CLSTN2: variants seen among roughly 807,000 people sequenced by gnomAD.
CLSTN2 encodes calsyntenin 2, also known as calsyntenin-2.
In CLSTN2, 48 loss-of-function variants were observed where a neutral mutation model predicts 101.2. The ratio of observed to expected loss-of-function variants is 0.47; its 90% CI spans 0.38 to 0.60. CLSTN2 has a LOEUF of 0.60. Ranked by LOEUF, CLSTN2 falls within the 20% of genes least tolerant of loss-of-function variation. CLSTN2 has a pLI of 0.00. For missense variants in CLSTN2, 1,160 were observed against 1,238.2 expected (o/e 0.94, Z 0.95); for synonymous variants, 481 against 463.6 (o/e 1.04, Z -0.48).
intron 2 of CLSTN2, among the ~76,000 whole-genome samples, chr3:140,179,364 C>T (rs1458846761): frequency 6.7e-6 from 1 of 149,116 alleles, no homozygotes; most frequent in African/African-American, 2.5e-5. Context: ...TGCTTGTAGT[C>T]CCAGCACTTT....
At chr3:140,272,049 G>A (rs1390531777) in intron 2 of CLSTN2, among the ~76,000 whole-genome samples, 2 of 152,170 alleles carry the variant, frequency 1.3e-5, no homozygotes, top group East Asian at 1.9e-4. Flanking sequence ...AATGAATGCC[G>A]TTAACTTTCT....
intron 8 of CLSTN2, among the ~76,000 whole-genome samples, chr3:140,468,714 C>T (rs16850356): frequency 0.091 from 13,914 of 152,242 alleles, 1,037 homozygotes; most frequent in East Asian, 0.31. Flanking sequence ...TTCCATTATG[C>T]CCGGCTGCTG....
At chr3:140,513,583 C>CTTTTTTTTTTT (rs55778787) in intron 8 of CLSTN2, among the ~76,000 whole-genome samples, 6 of 117,768 alleles carry the variant, frequency 5.1e-5, no homozygotes, top group East Asian at 2.4e-4. Context: ...TTTTTTCTTT[C>CTTTTTTTTTTT]TTTTTTTTTT....
At chr3:139,937,806 G>A (rs562174814) in intron 1 of CLSTN2, among the ~76,000 whole-genome samples, 79 of 152,082 alleles carry the variant, frequency 5.2e-4, no homozygotes, top group African/African-American at 1.8e-3. Flanking sequence ...AAGTTTATTG[G>A]CCCTGCAGAT....
chr3:139,945,659 T>G (rs943691674), intron 1 of CLSTN2, among the ~76,000 whole-genome samples: 2 of 152,312 alleles, frequency 1.3e-5, no homozygotes, highest in African/African-American at 4.8e-5. Flanking sequence ...TCAAAACTGT[T>G]AATATTATGT....
chr3:140,171,868 A>C (rs1436588761), intron 1 of CLSTN2, among the ~76,000 whole-genome samples: 1 of 124,484 alleles, frequency 8.0e-6, no homozygotes, highest in African/African-American at 3.1e-5. Flanking sequence ...ATATAATAAC[A>C]ATATATAATA....
intron 5 of CLSTN2, among the ~76,000 whole-genome samples, chr3:140,438,749 G>A (rs1225127188): frequency 6.6e-6 from 1 of 152,144 alleles, no homozygotes; most frequent in Non-Finnish European, 1.5e-5. Flanking sequence ...AAAGTACCCT[G>A]GTTGGCTGAA....
chr3:140,150,067 G>A (rs2009839008), intron 1 of CLSTN2, among the ~76,000 whole-genome samples: 2 of 152,268 alleles, frequency 1.3e-5, no homozygotes, highest in South Asian at 2.1e-4. Context: ...TGAAGATAGA[G>A]GTGAATATAC....
chr3:140,242,037 A>C lies in CLSTN2; in HGVS notation c.232+65964A>C, dbSNP rs185619930. Among the ~76,000 whole-genome samples, 1,062 of 151,924 alleles carry C rather than the reference A, an allele frequency of 7.0e-3. 4 individuals are homozygous for C. Among genetic ancestry groups the C allele is most frequent in the Non-Finnish European group, 0.011 (724 of 67,964 alleles). On this transcript the variant is annotated intron_variant, in intron 2 of 16. Transcript: ENST00000458420. The stretch of plus-strand genomic sequence containing the variant: ...ATTCTCCTGCCTCAGCCTCCTGAGT[A>C]GCTGGGATTAGAGGCGCCCGCCACC...
At chr3:140,321,418 C>A (rs1473216863) in intron 2 of CLSTN2, among the ~76,000 whole-genome samples, 2 of 152,110 alleles carry the variant, frequency 1.3e-5, no homozygotes, top group Non-Finnish European at 2.9e-5. Context: ...CTTTGAAGCT[C>A]CCAGGAGTGG....
chr3:140,303,229 G>A (rs903798794), intron 2 of CLSTN2, among the ~76,000 whole-genome samples: 3 of 152,184 alleles, frequency 2.0e-5, no homozygotes, highest in Non-Finnish European at 2.9e-5. Flanking sequence ...CTTATTTTGT[G>A]CCAAGCATAT....
intron 2 of CLSTN2, among the ~76,000 whole-genome samples, chr3:140,230,105 G>T (rs1333453531): frequency 6.6e-6 from 1 of 152,022 alleles, no homozygotes; most frequent in Non-Finnish European, 1.5e-5. Flanking sequence ...TAGATGCACA[G>T]CCAGCGGATG....
At chr3:139,985,234 A>T (rs538675647) in intron 1 of CLSTN2, among the ~76,000 whole-genome samples, 15 of 152,254 alleles carry the variant, frequency 9.9e-5, no homozygotes, top group African/African-American at 3.1e-4. Context: ...ATTGTCCTCT[A>T]TCTGAAATCT....
chr3:140,322,839 C>A (rs2087296829), intron 2 of CLSTN2, among the ~76,000 whole-genome samples: 1 of 152,128 alleles, frequency 6.6e-6, no homozygotes, highest in Non-Finnish European at 1.5e-5. Flanking sequence ...AGCATCATTG[C>A]CATGTGAAAT....
intron 1 of CLSTN2, among the ~76,000 whole-genome samples, chr3:140,097,141 A>G (rs2008882653): frequency 6.6e-6 from 1 of 152,188 alleles, no homozygotes; most frequent in South Asian, 2.1e-4. Flanking sequence ...AGTATTGATA[A>G]TGTGCCAGGG....
At chr3:140,012,353 A>G (rs1401864437) in intron 1 of CLSTN2, among the ~76,000 whole-genome samples, 2 of 152,196 alleles carry the variant, frequency 1.3e-5, no homozygotes, top group Non-Finnish European at 2.9e-5. Context: ...TTTCACTGCA[A>G]GCAACAGAAA....
At chr3:140,171,617 TTATATAATATGTATTATATATTA>T (rs1559797072) in intron 1 of CLSTN2, among the ~76,000 whole-genome samples, 36 of 131,986 alleles carry the variant, frequency 2.7e-4, no homozygotes, top group East Asian at 6.2e-4. Flanking sequence ...GCATTATATA[TTATATAATATGTATTATATATTA>T]TATATAATAC....
intron 2 of CLSTN2, among the ~76,000 whole-genome samples, chr3:140,253,275 G>A (rs749773223): frequency 5.9e-5 from 9 of 152,108 alleles, no homozygotes; most frequent in Non-Finnish European, 7.3e-5. Flanking sequence ...CAAGGTCAGC[G>A]TGTTGGGTCC....
chr3:140,501,015 T>C (rs11925817), intron 8 of CLSTN2, among the ~76,000 whole-genome samples: 6,024 of 152,144 alleles, frequency 0.04, 152 homozygotes, highest in South Asian at 0.047. Flanking sequence ...TCTAGTTGAG[T>C]GTTCGGGTGA....
Sources: allele counts gnomAD v4.1 joint callset (sites outside exome capture counted in the v4.1 genomes callset), GRCh38; gene constraint gnomAD v4.1.1; transcripts MANE v1.5; gene names NCBI Gene and HGNC (gene_info 2026-07-23, HGNC 2026-07-21).